Variants in JARID2 observed in about 807,000 individuals in gnomAD.
The protein encoded by JARID2 is protein Jumonji.
A neutral mutation model predicts 125.6 loss-of-function variants in JARID2; 21 were observed. That is an observed-to-expected ratio of 0.17 (90% CI 0.12 to 0.24). JARID2 has a LOEUF of 0.24. Ranked by LOEUF, JARID2 falls within the 10% of genes least tolerant of loss-of-function variation. The probability of loss-of-function intolerance (pLI) is 1.00; values close to 1 mark genes in which losing one functional copy is unlikely to be tolerated. For synonymous variants in JARID2, 736 were observed against 661.6 expected (o/e 1.11, Z -1.73); for missense variants, 1,303 against 1,639.6 (o/e 0.79, Z 3.55).
At chr6:15,371,903 C>T (rs545227046) in intron 1 of JARID2, among the ~76,000 whole-genome samples, 2 of 152,250 alleles carry the variant, frequency 1.3e-5, no homozygotes, top group South Asian at 2.1e-4. Flanking sequence ...GAGGCACTGC[C>T]CAGCAGTCGG....
chr6:15,298,334 A>G (rs764170539), intron 1 of JARID2, among the ~76,000 whole-genome samples: 1 of 152,192 alleles, frequency 6.6e-6, no homozygotes, highest in Non-Finnish European at 1.5e-5. Flanking sequence ...TGTTAGTGCA[A>G]TGACAGTTCT....
At chr6:15,281,922 C>T (rs1450207340) in intron 1 of JARID2, among the ~76,000 whole-genome samples, 1 of 122,226 alleles carries the variant, frequency 8.2e-6, no homozygotes, top group Admixed American at 8.8e-5. Flanking sequence ...AGGGTATGTG[C>T]TCTGTGTGTG....
At chr6:15,491,759 T>G (rs1240531098) in intron 6 of JARID2, among the ~76,000 whole-genome samples, 1 of 152,216 alleles carries the variant, frequency 6.6e-6, no homozygotes, top group African/African-American at 2.4e-5. Context: ...ATTTAAATAT[T>G]GTGTGTGTCG....
intron 3 of JARID2, among the ~76,000 whole-genome samples, chr6:15,431,703 A>T (rs1766974696): frequency 6.6e-6 from 1 of 152,252 alleles, no homozygotes; most frequent in Admixed American, 6.5e-5. Flanking sequence ...GAAGCAATTT[A>T]AGCACTGTAA....
At chr6:15,470,248 T>A (rs1237685573) in intron 5 of JARID2, among the ~76,000 whole-genome samples, 3 of 152,044 alleles carry the variant, frequency 2.0e-5, no homozygotes, top group East Asian at 1.9e-4. Flanking sequence ...TATGGCTGTT[T>A]TCTGTTGTCC....
rs557964242 is a variant in JARID2 at position 15,498,711 on chromosome 6, T to C, written c.1945+1541T>C. ...GCAGGTGCCTGCCAGGACTGATGCCTGAGTGACAGTCACCTTAACTTGCAA... is the reference window on the plus strand; with the variant it reads ...GCAGGTGCCTGCCAGGACTGATGCCCGAGTGACAGTCACCTTAACTTGCAA... On this transcript the variant is annotated intron_variant, in intron 7 of 17. Coordinates refer to ENST00000341776, the MANE Select transcript of JARID2 (RefSeq NM_004973.4). Among the ~76,000 whole-genome samples the C allele has an allele frequency of 3.9e-4, 59 of 152,384 alleles. 2 individuals are homozygous for C. In the South Asian group the frequency reaches 0.012, roughly 32 times the overall value.
intron 1 of JARID2, among the ~76,000 whole-genome samples, chr6:15,280,820 G>A (rs1760722420): frequency 6.6e-6 from 1 of 151,938 alleles, no homozygotes; most frequent in South Asian, 2.1e-4. Context: ...TTACAGATGG[G>A]GTTTCACCAT....
intron 1 of JARID2, among the ~76,000 whole-genome samples, chr6:15,351,014 C>T (rs1280393210): frequency 5.3e-5 from 8 of 150,708 alleles, no homozygotes; most frequent in Non-Finnish European, 1.2e-4. Context: ...AAAAAAAAAG[C>T]AGATATCTTG....
chr6:15,382,902 T>C (rs944783959), intron 2 of JARID2, among the ~76,000 whole-genome samples: 1 of 152,216 alleles, frequency 6.6e-6, no homozygotes, highest in African/African-American at 2.4e-5. Flanking sequence ...TCTGTTTCCC[T>C]GATTACATCA....
chr6:15,517,212 C>T lies in JARID2; in HGVS notation c.3502C>T (p.His1168Tyr). Residue 1168 changes from histidine to tyrosine, a missense_variant, in exon 17 of 18, where the codon CAC becomes TAC. Coordinates refer to ENST00000341776, the MANE Select transcript of JARID2 (RefSeq NM_004973.4). ...VVFCLECALR[H>Y]VEKQKSCRGL... The stretch of plus-strand genomic sequence containing the variant: ...GTTCTGTCTGGAGTGTGCTCTGCGC[C>T]ACGTGGAGAAACAGAAGTCCTGCCG... 1 of 1,614,122 alleles carries T rather than the reference C, an allele frequency of 6.2e-7. No individual in the cohort carries two copies. Among genetic ancestry groups the T allele is most frequent in the Non-Finnish European group, 8.5e-7 (1 of 1,179,986 alleles).
intron 3 of JARID2, among the ~76,000 whole-genome samples, chr6:15,422,676 C>G (rs546279586): frequency 1.3e-5 from 2 of 152,306 alleles, no homozygotes; most frequent in Admixed American, 1.3e-4. Context: ...TTCTGCTTCC[C>G]CATCAGGAAA....
At chr6:15,478,954 C>T (rs962873038) in intron 5 of JARID2, among the ~76,000 whole-genome samples, 3 of 152,142 alleles carry the variant, frequency 2.0e-5, no homozygotes, top group Non-Finnish European at 4.4e-5. Context: ...TGTGAGCCAC[C>T]GTGCCCGGCC....
chr6:15,324,914 G>A (rs1334870739), intron 1 of JARID2, among the ~76,000 whole-genome samples: 1 of 151,268 alleles, frequency 6.6e-6, no homozygotes, highest in East Asian at 1.9e-4. Flanking sequence ...AGCATTCCCT[G>A]CCCTTTGTCA....
intron 1 of JARID2, among the ~76,000 whole-genome samples, chr6:15,269,572 A>ATTT (rs35174256): frequency 1.1e-4 from 15 of 135,632 alleles, no homozygotes; most frequent in Admixed American, 3.0e-4. Flanking sequence ...CTATTTTAAA[A>ATTT]TTTTTTTTTT....
intron 12 of JARID2, chr6:15,509,090 A>G: frequency 1.6e-6 from 2 of 1,288,914 alleles, no homozygotes; most frequent in Non-Finnish European, 2.0e-6. Context: ...TTGCCTGGCG[A>G]GGTGTTCTGG....
chr6:15,520,889 C>T lies in JARID2; in HGVS notation c.*638C>T, dbSNP rs1215871554. 2 of 452,926 alleles carry T rather than the reference C, an allele frequency of 4.4e-6. No homozygotes were observed. Among genetic ancestry groups the T allele is most frequent in the South Asian group, 1.6e-5 (1 of 64,356 alleles). The allele number at this position is 452,926 out of a possible 1,614,324, so 28.1% of individuals were successfully genotyped here. A position where few individuals can be genotyped will look rare whatever the true frequency, so the allele number is the denominator to read the frequency against. On this transcript the variant is annotated 3_prime_UTR_variant, in exon 18 of 18. Transcript: ENST00000341776. ...GGAGCGAGTGGGCTCTCCACCAGCA[C>T]ATCACTATGCATCTGTTCCAGGAAA...
chr6:15,511,546 A>C (rs1771279354), intron 13 of JARID2, 145 bp downstream of exon 13: 1 of 639,156 alleles, frequency 1.6e-6, no homozygotes, highest in Admixed American at 2.4e-5. Flanking sequence ...GTCCTCTGAC[A>C]CAAAAGCCAA....
intron 3 of JARID2, among the ~76,000 whole-genome samples, chr6:15,443,243 T>C (rs756873243): frequency 6.6e-6 from 1 of 152,188 alleles, no homozygotes; most frequent in Admixed American, 6.5e-5. Flanking sequence ...GGCTTCTTCA[T>C]GGATAGAGCT....
intron 6 of JARID2, among the ~76,000 whole-genome samples, chr6:15,488,711 C>T (rs1395400556): frequency 6.6e-6 from 1 of 152,126 alleles, no homozygotes; most frequent in Non-Finnish European, 1.5e-5. Context: ...GGTATGTATG[C>T]ATGCACATGT....
Sources: gnomAD v4.1 joint callset for allele counts (sites outside exome capture counted in the v4.1 genomes callset) on GRCh38, gnomAD v4.1.1 for gene constraint, MANE v1.5 for transcripts, NCBI Gene and HGNC (gene_info 2026-07-23, HGNC 2026-07-21) for gene names.